WWOX: variants seen among roughly 807,000 people sequenced by gnomAD.
WWOX encodes the protein WW domain containing oxidoreductase.
In WWOX, 69 loss-of-function variants were observed where a neutral mutation model predicts 46.2. The observed-to-expected ratio is 1.49, with a 90% CI of 1.23 to 1.82. The LOEUF (loss-of-function observed/expected upper bound fraction) is 1.82, where lower values mean the gene tolerates loss of function less well. Among genes scored for constraint, WWOX ranks in the 40% most tolerant of loss-of-function variants. The pLI, the probability that WWOX is intolerant of heterozygous loss-of-function variation, is 0.00. For synonymous variants in WWOX, 359 were observed against 202.6 expected (o/e 1.77, Z -6.56); for missense variants, 919 against 542.6 (o/e 1.69, Z -6.89).
intron 4 of WWOX, among the ~76,000 whole-genome samples, chr16:78,162,638 G>A (rs986409592): frequency 4.6e-5 from 7 of 151,952 alleles, no homozygotes; most frequent in Non-Finnish European, 7.4e-5. Context: ...GGCCGTGTAT[G>A]CGTCATTGAT....
intron 8 of WWOX, among the ~76,000 whole-genome samples, chr16:79,157,043 A>G (rs1444169896): frequency 6.6e-6 from 1 of 152,218 alleles, no homozygotes; most frequent in East Asian, 1.9e-4. Flanking sequence ...GGCCCTGGCC[A>G]TTCCTTTAGA....
chr16:78,790,942 C>T (rs1028264119), intron 8 of WWOX, among the ~76,000 whole-genome samples: 1 of 141,558 alleles, frequency 7.1e-6, no homozygotes, highest in African/African-American at 2.7e-5. Context: ...TCACCTGAGC[C>T]CAGGAGATGG....
intron 4 of WWOX, among the ~76,000 whole-genome samples, chr16:78,116,460 A>G (rs1210843275): frequency 3.3e-5 from 5 of 152,326 alleles, no homozygotes; most frequent in Admixed American, 1.3e-4. Context: ...TTGCCTATGA[A>G]GGTAAAGAAG....
rs572053723 is a variant in WWOX, at chr16:78,914,695, C to T, written c.1057-296913C>T. ...GAGATCCAGACTATCCTGGCTAACA[C>T]GGTGAAACCCCGTCTCTACTAAAAA... On this transcript the variant is annotated intron_variant, in intron 8 of 8. Coordinates refer to ENST00000566780, the MANE Select transcript of WWOX (RefSeq NM_016373.4). 1.3e-4 allele frequency among the ~76,000 whole-genome samples: 20 copies of T among 151,592 alleles called. 1 individual carries two copies. In the South Asian group the frequency reaches 2.1e-3, roughly 16 times the overall value.
Position 79,062,991 on chromosome 16 carries a change from A to AT in WWOX, c.1057-148612dup, listed in dbSNP as rs537225004. Among the ~76,000 whole-genome samples, 139 of 152,316 alleles carry AT rather than the reference A, an allele frequency of 9.1e-4. 1 individual carries two copies. Among genetic ancestry groups the AT allele is most frequent in the Admixed American group, 1.3e-3 (20 of 15,298 alleles). On this transcript the variant is annotated intron_variant, in intron 8 of 8. Coordinates refer to ENST00000566780, the MANE Select transcript of WWOX (RefSeq NM_016373.4). ...CTGATGGGCTACAGATGCCGAGGAT[A>AT]TTTTTAGCAGGATTTTGGCAGGTAC...
At chr16:78,579,731 G>C (rs146473943) in intron 8 of WWOX, among the ~76,000 whole-genome samples, 1 of 152,150 alleles carries the variant, frequency 6.6e-6, no homozygotes, top group Non-Finnish European at 1.5e-5. Context: ...TCTTTCTTTA[G>C]AGAAAACAAA....
chr16:78,901,583 A>C (rs2044832272), intron 8 of WWOX, among the ~76,000 whole-genome samples: 1 of 152,032 alleles, frequency 6.6e-6, no homozygotes, highest in Admixed American at 6.5e-5. Context: ...TGCTTCCCAG[A>C]CTCAAGTCAT....
rs565570313 is a variant in WWOX at position 79,012,045 on chromosome 16, T to G, written c.1057-199563T>G. ...TCAGGGATCCCTCTGGCTACTGTGTTGAGAATAAAGTGTCAAAGCCAACAG... is the reference window on the plus strand; with the variant it reads ...TCAGGGATCCCTCTGGCTACTGTGTGGAGAATAAAGTGTCAAAGCCAACAG... On this transcript the variant is annotated intron_variant, in intron 8 of 8. Coordinates refer to ENST00000566780, the MANE Select transcript of WWOX (RefSeq NM_016373.4). 4.6e-5 allele frequency among the ~76,000 whole-genome samples: 7 copies of G among 152,288 alleles called. No homozygotes were observed. The South Asian group carries it at 1.5e-3, about 32-fold the overall frequency.
chr16:78,682,466 C>T (rs2047752115), intron 8 of WWOX, among the ~76,000 whole-genome samples: 1 of 151,966 alleles, frequency 6.6e-6, no homozygotes, highest in Non-Finnish European at 1.5e-5. Context: ...ACCTGTAATC[C>T]CAGCTACACA....
intron 5 of WWOX, among the ~76,000 whole-genome samples, chr16:78,202,609 TA>T (rs1269784838): frequency 1.3e-5 from 2 of 152,194 alleles, no homozygotes; most frequent in Non-Finnish European, 2.9e-5. Context: ...TTTAACATTT[TA>T]AAAATAAAAT....
At chr16:78,967,459 G>GCC (rs760361225) in intron 8 of WWOX, among the ~76,000 whole-genome samples, 1 of 98,348 alleles carries the variant, frequency 1.0e-5, no homozygotes, top group African/African-American at 3.9e-5. Flanking sequence ...AATTTTTGTG[G>GCC]TTTTTTTTTT....
chr16:78,581,563 T>C (rs9923563), intron 8 of WWOX, among the ~76,000 whole-genome samples: 40,612 of 152,094 alleles, frequency 0.27, 5,617 homozygotes, highest in African/African-American at 0.31. Context: ...TTTAGATTTA[T>C]TGTGAACCTC....
At chr16:78,993,556 C>T (rs954027376) in intron 8 of WWOX, among the ~76,000 whole-genome samples, 2 of 152,140 alleles carry the variant, frequency 1.3e-5, no homozygotes, top group East Asian at 1.9e-4. Context: ...TTATCAGCTG[C>T]GGGCCTGGGT....
chr16:78,502,325 G>A (rs1436551307), intron 8 of WWOX, among the ~76,000 whole-genome samples: 2 of 152,198 alleles, frequency 1.3e-5, no homozygotes, highest in Non-Finnish European at 2.9e-5. Context: ...TGACCCCTTA[G>A]TCATCACCCC....
At chr16:79,195,220 A>C (rs1054826450) in intron 8 of WWOX, among the ~76,000 whole-genome samples, 4 of 152,096 alleles carry the variant, frequency 2.6e-5, no homozygotes, top group African/African-American at 9.7e-5. Flanking sequence ...TGAGATTGGC[A>C]TGTAGGAAGA....
chr16:78,571,458 A>C (rs1004596762), intron 8 of WWOX, among the ~76,000 whole-genome samples: 2 of 152,202 alleles, frequency 1.3e-5, no homozygotes, highest in Non-Finnish European at 2.9e-5. Flanking sequence ...TTTTGTGGGC[A>C]TAGGTCTTGT....
intron 8 of WWOX, among the ~76,000 whole-genome samples, chr16:79,102,449 T>C (rs751884562): frequency 1.3e-4 from 20 of 152,294 alleles, no homozygotes; most frequent in Non-Finnish European, 2.1e-4. Context: ...CTAGGAGCCA[T>C]TGGAGATTTG....
intron 8 of WWOX, among the ~76,000 whole-genome samples, chr16:78,918,161 T>A (rs2045296004): frequency 6.6e-6 from 1 of 152,136 alleles, no homozygotes; most frequent in African/African-American, 2.4e-5. Flanking sequence ...AGGTTGAGGC[T>A]GCAGTGAGCT....
intron 6 of WWOX, among the ~76,000 whole-genome samples, chr16:78,391,777 G>T (rs1446758199): frequency 6.6e-6 from 1 of 152,114 alleles, no homozygotes; most frequent in Non-Finnish European, 1.5e-5. Flanking sequence ...GAGCTCTGGG[G>T]TGGGCAGAGG....
Sources: gnomAD v4.1 joint callset for allele counts (sites outside exome capture counted in the v4.1 genomes callset) on GRCh38, gnomAD v4.1.1 for gene constraint, MANE v1.5 for transcripts, NCBI Gene and HGNC (gene_info 2026-07-23, HGNC 2026-07-21) for gene names.